Variants in FAM171B observed in about 807,000 individuals in gnomAD.
FAM171B encodes family with sequence similarity 171 member B, also known as protein FAM171B.
In FAM171B, 19 loss-of-function variants were observed where a neutral mutation model predicts 75.6. The observed-to-expected ratio is 0.25, with a 90% CI of 0.18 to 0.37. The LOEUF (loss-of-function observed/expected upper bound fraction) is 0.37. FAM171B is among the 10% of genes least tolerant of loss of function. The pLI is 1.00. For synonymous variants in FAM171B, 367 were observed against 361.7 expected (o/e 1.01, Z -0.17); for missense variants, 848 against 982.4 (o/e 0.86, Z 1.83).
At chr2:186,742,245 C>T (rs1398804713) in intron 2 of FAM171B, among the ~76,000 whole-genome samples, 4 of 152,040 alleles carry the variant, frequency 2.6e-5, no homozygotes, top group Non-Finnish European at 5.9e-5. Flanking sequence ...AAACAATTTT[C>T]ACGTGAAAAG....
chr2:186,749,827 C>T (rs1407414297), intron 4 of FAM171B, among the ~76,000 whole-genome samples: 3 of 152,150 alleles, frequency 2.0e-5, no homozygotes, highest in African/African-American at 7.2e-5. Flanking sequence ...CATTTGGCTG[C>T]AGCTCAGATG....
At chr2:186,729,812 G>A (rs1415252924) in intron 1 of FAM171B, among the ~76,000 whole-genome samples, 1 of 152,152 alleles carries the variant, frequency 6.6e-6, no homozygotes, top group African/African-American at 2.4e-5. Flanking sequence ...GAGAAAATAA[G>A]TTAGTAAATA....
At chr2:186,760,168 T>A (rs1690593586) in intron 6 of FAM171B, among the ~76,000 whole-genome samples, 1 of 152,044 alleles carries the variant, frequency 6.6e-6, no homozygotes, top group Admixed American at 6.6e-5. Context: ...CCAGTAGCAT[T>A]CATTTTTATG....
At chr2:186,717,248 A>G (rs950217041) in intron 1 of FAM171B, among the ~76,000 whole-genome samples, 1 of 152,208 alleles carries the variant, frequency 6.6e-6, no homozygotes, top group Non-Finnish European at 1.5e-5. Context: ...AATAAAAGTA[A>G]ATATTTAAAA....
At chr2:186,720,717 G>GAAAAC (rs75182601) in intron 1 of FAM171B, among the ~76,000 whole-genome samples, 4 of 59,218 alleles carry the variant, frequency 6.8e-5, no homozygotes, top group Non-Finnish European at 1.0e-4. Flanking sequence ...AAAAAAAAAA[G>GAAAAC]AAAAGAAAAC....
intron 1 of FAM171B, among the ~76,000 whole-genome samples, chr2:186,716,671 A>G (rs1244388334): frequency 6.6e-6 from 1 of 152,204 alleles, no homozygotes; most frequent in African/African-American, 2.4e-5. Flanking sequence ...TTAGAGGCAT[A>G]TAACAATTTA....
Position 186,764,723 on chromosome 2 carries a change from CCT to C in FAM171B, c.*1901_*1902del, listed in dbSNP as rs1690675342. ...TGTGCAGTTTTATTAAAAATATAGA[CCT>C]AGTGTTTCATGTTGGAACAATAAAT... On this transcript the variant is annotated 3_prime_UTR_variant, in exon 8 of 8. Coordinates refer to ENST00000304698, the MANE Select transcript of FAM171B (RefSeq NM_177454.4). The C allele has an allele frequency of 6.6e-6, 1 of 151,538 alleles. No individual in the cohort carries two copies. Among genetic ancestry groups the C allele is most frequent in the African/African-American group, 2.4e-5 (1 of 41,300 alleles). 9.4% of individuals were successfully genotyped at this position (151,538 alleles called of 1,614,324 possible).
At chr2:186,747,925 AT>A (rs938819476) in intron 4 of FAM171B, among the ~76,000 whole-genome samples, 4 of 150,220 alleles carry the variant, frequency 2.7e-5, no homozygotes, top group South Asian at 2.1e-4. Context: ...TTGTTCCACC[AT>A]TTTTTTTTTC....
intron 1 of FAM171B, among the ~76,000 whole-genome samples, chr2:186,719,104 G>A (rs928402405): frequency 1.3e-5 from 2 of 152,114 alleles, no homozygotes; most frequent in Non-Finnish European, 2.9e-5. Context: ...AGGGAAAACC[G>A]TACAATTTAC....
At chr2:186,747,375 CATAA>C in intron 4 of FAM171B, 125 bp downstream of exon 4, 1 of 500,544 alleles carries the variant, frequency 2.0e-6, no homozygotes, top group Non-Finnish European at 3.1e-6. Context: ...TCATTTGAGA[CATAA>C]ATCTAGTTAT....
At chr2:186,753,857 C>A in intron 5 of FAM171B, 76 bp from the exon 6 acceptor site, 1 of 1,074,860 alleles carries the variant, frequency 9.3e-7, no homozygotes, top group East Asian at 2.4e-5. Context: ...TTGAAAAAGT[C>A]CCATAATGTA....
chr2:186,747,013 T>A, intron 3 of FAM171B, 79 bp from the exon 4 acceptor site: 1 of 1,070,258 alleles, frequency 9.3e-7, no homozygotes, highest in Non-Finnish European at 1.3e-6. Context: ...TTGCTTCTTT[T>A]AAAGTAAGAC....
chr2:186,751,183 A>C lies in FAM171B; in HGVS notation c.774A>C (p.Ile258=). The change falls in exon 5 of 8, where the codon ATA becomes ATC. Residue 258 remains isoleucine, a synonymous_variant. Transcript: ENST00000304698. ...CTCTTGCTGCAATATGTGTGAAAATATATTCTGGAGGAAAAGAACTAAAGG... is the reference window on the plus strand; with the variant it reads ...CTCTTGCTGCAATATGTGTGAAAATCTATTCTGGAGGAAAAGAACTAAAGG... ...LTPLAAICVK[I]YSGGKELKVN... The C allele has an allele frequency of 1.2e-6, 2 of 1,610,992 alleles. No individual in the cohort carries two copies. The highest frequency in any genetic ancestry group is 1.7e-6 in the Non-Finnish European group (2 of 1,178,038).
intron 1 of FAM171B, among the ~76,000 whole-genome samples, chr2:186,728,289 CTT>C (rs1264759079): frequency 3.3e-5 from 5 of 152,136 alleles, no homozygotes; most frequent in East Asian, 1.9e-4. Context: ...AGGAAGTTCT[CTT>C]GTCTGTTTCA....
chr2:186,737,334 T>G (rs1397010326), intron 1 of FAM171B, among the ~76,000 whole-genome samples: 3 of 152,258 alleles, frequency 2.0e-5, no homozygotes, highest in Admixed American at 6.5e-5. Context: ...GTTTTCATTT[T>G]CCTCAACATA....
intron 1 of FAM171B, chr2:186,695,402 C>T (rs1448110490): frequency 6.6e-6 from 1 of 152,194 alleles, no homozygotes; most frequent in African/African-American, 2.4e-5. Flanking sequence ...CTCCAATTTT[C>T]TGGCACGAGG....
chr2:186,737,216 A>G (rs184583715), intron 1 of FAM171B, among the ~76,000 whole-genome samples: 20 of 152,378 alleles, frequency 1.3e-4, no homozygotes, highest in Non-Finnish European at 2.5e-4. Flanking sequence ...GATGTGATAC[A>G]TGCTTACAAA....
chr2:186,739,064 T>G (rs189914854), intron 1 of FAM171B, among the ~76,000 whole-genome samples: 2 of 152,198 alleles, frequency 1.3e-5, no homozygotes, highest in African/African-American at 4.8e-5. Flanking sequence ...TAACACAATT[T>G]TAAGTGTCAG....
chr2:186,711,292 T>G (rs906962729), intron 1 of FAM171B, among the ~76,000 whole-genome samples: 3 of 152,186 alleles, frequency 2.0e-5, no homozygotes, highest in Non-Finnish European at 4.4e-5. Context: ...GTTTGGTCAT[T>G]TCCTACCAAC....
Sources: allele counts gnomAD v4.1 joint callset (sites outside exome capture counted in the v4.1 genomes callset), GRCh38; gene constraint gnomAD v4.1.1; transcripts MANE v1.5; gene names NCBI Gene and HGNC (gene_info 2026-07-23, HGNC 2026-07-21).